NBAS: variants seen among roughly 807,000 people sequenced by gnomAD.
The protein encoded by NBAS is NAG/BC035112 fusion.
Under a neutral mutation model 302.5 loss-of-function variants are expected in NBAS, and 219 were observed. That is an observed-to-expected ratio of 0.72 (90% CI 0.65 to 0.81). The LOEUF is 0.81. NBAS is among the 30% of genes least tolerant of loss of function. NBAS has a pLI of 0.00. For missense variants in NBAS, 2,932 were observed against 2,841.6 expected, an observed-to-expected ratio of 1.03 and a Z score of -0.72; for synonymous variants, 1,118 against 1,021.6, an observed-to-expected ratio of 1.09 and a Z score of -1.80.
the NBAS span, among the ~76,000 whole-genome samples, chr2:15,117,172 T>G: frequency 4.6e-5 from 7 of 152,108 alleles, no homozygotes; most frequent in Admixed American, 2.0e-4. Flanking sequence ...CACCTGAAGC[T>G]TGGAAGTCAG....
At chr2:14,873,887 C>T in the NBAS span, among the ~76,000 whole-genome samples, 1 of 151,568 alleles carries the variant, frequency 6.6e-6, no homozygotes, top group East Asian at 1.9e-4. Flanking sequence ...TCTAAAATTT[C>T]AATTTATGAG....
chr2:14,914,033 C>T, the NBAS span, among the ~76,000 whole-genome samples: 1 of 152,178 alleles, frequency 6.6e-6, no homozygotes, highest in Non-Finnish European at 1.5e-5. Flanking sequence ...AGGCAAAAGG[C>T]ACTTCTTACA....
intron 21 of NBAS, 69 bp from the exon 22 acceptor site, chr2:15,427,863 A>C: frequency 8.8e-7 from 1 of 1,136,498 alleles, no homozygotes; most frequent in Non-Finnish European, 1.3e-6. Flanking sequence ...ACAAGGAGTA[A>C]AATGCAAACA....
chr2:15,392,887 AAC>A (rs1393902102), intron 28 of NBAS, among the ~76,000 whole-genome samples: 1 of 152,056 alleles, frequency 6.6e-6, no homozygotes, highest in Non-Finnish European at 1.5e-5. Flanking sequence ...CTGCATAATT[AAC>A]ACAGCATGGT....
chr2:15,120,776 G>A, the NBAS span, among the ~76,000 whole-genome samples: 1 of 152,206 alleles, frequency 6.6e-6, no homozygotes, highest in Admixed American at 6.5e-5. Context: ...CATAAAAAGC[G>A]AAAAGATGTG....
chr2:15,528,222 C>T (rs962726827), intron 9 of NBAS, among the ~76,000 whole-genome samples: 19 of 151,980 alleles, frequency 1.3e-4, no homozygotes, highest in African/African-American at 3.9e-4. Flanking sequence ...AGCAAGCCCA[C>T]GTGCTACCTA....
chr2:15,086,115 C>G, the NBAS span, among the ~76,000 whole-genome samples: 1 of 152,046 alleles, frequency 6.6e-6, no homozygotes, highest in African/African-American at 2.4e-5. Flanking sequence ...TTTTCTGGGC[C>G]CCTGCATGGC....
intron 6 of NBAS, among the ~76,000 whole-genome samples, chr2:15,544,968 G>C (rs1305041708): frequency 4.0e-5 from 6 of 151,840 alleles, no homozygotes; most frequent in African/African-American, 7.3e-5. Flanking sequence ...CCAAGATCGT[G>C]TCACTGCACT....
At chr2:15,271,333 A>G (rs1669311420) in intron 44 of NBAS, among the ~76,000 whole-genome samples, 1 of 152,228 alleles carries the variant, frequency 6.6e-6, no homozygotes. Flanking sequence ...AATAGAAATG[A>G]GTTTGAAGGT....
chr2:15,546,840 G>A lies in NBAS; in HGVS notation c.379+4653C>T, dbSNP rs558524423. Among the ~76,000 whole-genome samples, 10 of 152,336 alleles carry A rather than the reference G, an allele frequency of 6.6e-5. No individual in the cohort carries two copies. In the South Asian group the frequency reaches 1.7e-3, roughly 25 times the overall value. ...TTTGTATGGCATCTAACAGTAAACTGATGAGGCTGCTGGAAGCCAGAGGCA... is the reference window on the plus strand; with the variant it reads ...TTTGTATGGCATCTAACAGTAAACTAATGAGGCTGCTGGAAGCCAGAGGCA... On this transcript the variant is annotated intron_variant, in intron 6 of 51. Coordinates refer to ENST00000281513, the MANE Select transcript of NBAS (RefSeq NM_015909.4).
the NBAS span, among the ~76,000 whole-genome samples, chr2:14,865,618 C>G: frequency 6.6e-6 from 1 of 152,156 alleles, no homozygotes; most frequent in South Asian, 2.1e-4. Context: ...TTATGCCCAG[C>G]AAGTATATTA....
chr2:15,185,490 G>A (rs1386184966), intron 50 of NBAS, among the ~76,000 whole-genome samples: 1 of 152,118 alleles, frequency 6.6e-6, no homozygotes, highest in African/African-American at 2.4e-5. Flanking sequence ...CTTTGGTGGG[G>A]ATAATGAAGT....
At chr2:15,474,430 T>C in intron 14 of NBAS, 106 bp from the exon 15 acceptor site, 1 of 1,160,482 alleles carries the variant, frequency 8.6e-7, no homozygotes, top group Non-Finnish European at 1.2e-6. Flanking sequence ...TTTGATTCAT[T>C]AAATCAGCTA....
the NBAS span, among the ~76,000 whole-genome samples, chr2:15,131,191 A>C: frequency 5.9e-5 from 9 of 152,292 alleles, no homozygotes; most frequent in East Asian, 1.5e-3. Flanking sequence ...AGTATATATA[A>C]ATTTTAAAAA....
the NBAS span, among the ~76,000 whole-genome samples, chr2:15,059,555 C>A: frequency 6.6e-6 from 1 of 152,084 alleles, no homozygotes; most frequent in South Asian, 2.1e-4. Flanking sequence ...CCTTCAGAGA[C>A]CACCTCACAT....
intron 48 of NBAS, among the ~76,000 whole-genome samples, chr2:15,195,824 CT>C: frequency 6.6e-6 from 1 of 152,266 alleles, no homozygotes; most frequent in South Asian, 2.1e-4. Context: ...TGTAGGAACA[CT>C]ACACTGGTAA....
At chr2:15,193,675 T>C (rs1244859916) in intron 48 of NBAS, among the ~76,000 whole-genome samples, 1 of 152,106 alleles carries the variant, frequency 6.6e-6, no homozygotes, top group African/African-American at 2.4e-5. Flanking sequence ...TAAAACATAA[T>C]AAAGAATATA....
At chr2:15,139,270 G>T in the NBAS span, among the ~76,000 whole-genome samples, 1 of 152,120 alleles carries the variant, frequency 6.6e-6, no homozygotes, top group Admixed American at 6.5e-5. Context: ...AGGAAAAAAG[G>T]AATGGTCTGC....
intron 2 of NBAS, among the ~76,000 whole-genome samples, chr2:15,558,209 C>A (rs1380874659): frequency 6.6e-6 from 1 of 152,186 alleles, no homozygotes; most frequent in African/African-American, 2.4e-5. Context: ...GCTTATCTGA[C>A]AGGAAGTGGA....
Sources: gnomAD v4.1 joint callset for allele counts (sites outside exome capture counted in the v4.1 genomes callset) on GRCh38, gnomAD v4.1.1 for gene constraint, MANE v1.5 for transcripts, NCBI Gene and HGNC (gene_info 2026-07-23, HGNC 2026-07-21) for gene names.